Variants in STK3 observed in about 807,000 individuals in gnomAD.
The protein encoded by STK3 is serine/threonine-protein kinase 3.
In STK3, 41 loss-of-function variants were observed where a neutral mutation model predicts 58.0. That is an observed-to-expected ratio of 0.71 (90% confidence interval 0.55 to 0.92). STK3 has a LOEUF of 0.92. Ranked by LOEUF, STK3 falls within the 40% of genes least tolerant of loss-of-function variation. The pLI is 0.00. For synonymous variants in STK3, 170 were observed against 191.0 expected, an observed-to-expected ratio of 0.89 and a Z score of 0.91; for missense variants, 479 against 602.7, an observed-to-expected ratio of 0.79 and a Z score of 2.15.
At chr8:98,534,348 G>C (rs574647309) in intron 9 of STK3, among the ~76,000 whole-genome samples, 32 of 152,158 alleles carry the variant, frequency 2.1e-4, no homozygotes, top group African/African-American at 7.2e-4. Context: ...TAAACCTTTA[G>C]AACTTAGAAC....
intron 1 of STK3, among the ~76,000 whole-genome samples, chr8:98,441,945 G>A (rs1431473290): frequency 6.6e-6 from 1 of 152,056 alleles, no homozygotes; most frequent in Non-Finnish European, 1.5e-5. Context: ...CTGCCCCCAG[G>A]ATACCTGCTC....
intron 6 of STK3, among the ~76,000 whole-genome samples, chr8:98,692,757 A>G (rs1587313663): frequency 6.6e-6 from 1 of 152,036 alleles, no homozygotes; most frequent in East Asian, 1.9e-4. Context: ...CCTAATTATA[A>G]TCTTAAATTA....
intron 6 of STK3, among the ~76,000 whole-genome samples, chr8:98,607,726 T>C (rs1028007731): frequency 6.6e-6 from 1 of 152,204 alleles, no homozygotes; most frequent in African/African-American, 2.4e-5. Context: ...AGAGATAAAC[T>C]TTGATTATTC....
intron 3 of STK3, among the ~76,000 whole-genome samples, chr8:98,422,679 C>T (rs1449018132): frequency 1.3e-5 from 2 of 152,214 alleles, no homozygotes; most frequent in East Asian, 1.9e-4. Flanking sequence ...AGTGCTCCCA[C>T]CGCAGGCAGG....
upstream of STK3, among the ~76,000 whole-genome samples, chr8:98,827,456 A>G (rs1000074464): frequency 1.3e-5 from 2 of 152,220 alleles, no homozygotes; most frequent in Non-Finnish European, 2.9e-5. Context: ...AGAATGTTGA[A>G]TAATGTGAAT....
At chr8:98,630,959 C>T (rs1356041344) in intron 6 of STK3, among the ~76,000 whole-genome samples, 1 of 151,950 alleles carries the variant, frequency 6.6e-6, no homozygotes, top group Non-Finnish European at 1.5e-5. Context: ...ATATGTTTAA[C>T]ATCATTTCTT....
At position 98,597,359 on chromosome 8, in the gene STK3, T is replaced by G. The variant is rs550020878; in HGVS notation, c.685-1190A>C. 21 of 985,252 alleles carry G rather than the reference T, an allele frequency of 2.1e-5. No individual in the cohort carries two copies. The East Asian group carries it at 3.4e-4, about 16-fold the overall frequency. The allele number at this position is 985,252 out of a possible 1,614,324, so 61.0% of individuals were successfully genotyped here. ...CTTTTTACCAGTATATGCATCTTCT[T>G]TCAAAAAACGTAAATTCTTTAATAG... is the stretch of plus-strand genomic sequence containing the variant. On this transcript the variant is annotated intron_variant, in intron 6 of 10. Transcript: ENST00000419617.
At chr8:98,927,364 G>A (rs1839838504) in intron 1 of STK3, among the ~76,000 whole-genome samples, 1 of 152,174 alleles carries the variant, frequency 6.6e-6, no homozygotes, top group African/African-American at 2.4e-5. Context: ...CAGTGCAAAA[G>A]GGTGGGACTA....
chr8:98,899,311 T>C (rs987128999), intron 1 of STK3, among the ~76,000 whole-genome samples: 3 of 152,172 alleles, frequency 2.0e-5, no homozygotes, highest in African/African-American at 7.2e-5. Flanking sequence ...AAGTGCTTAA[T>C]ATTAATAGTA....
chr8:98,398,218 C>T (rs2131022036), downstream of STK3, among the ~76,000 whole-genome samples: 1 of 152,242 alleles, frequency 6.6e-6, no homozygotes, highest in Non-Finnish European at 1.5e-5. Context: ...TCTTTGTTTC[C>T]AGACCCGAGG....
At chr8:98,888,105 G>A (rs76466693) in intron 1 of STK3, among the ~76,000 whole-genome samples, 1 of 152,110 alleles carries the variant, frequency 6.6e-6, no homozygotes, top group African/African-American at 2.4e-5. Context: ...AATCACTTGA[G>A]GTCAGGAGAT....
At chr8:98,549,467 A>G (rs1051665510) in intron 8 of STK3, among the ~76,000 whole-genome samples, 7 of 152,138 alleles carry the variant, frequency 4.6e-5, no homozygotes, top group African/African-American at 1.7e-4. Context: ...TGTTGTTATT[A>G]CAAATTCTGG....
At chr8:98,497,692 G>C (rs1306997197) in intron 10 of STK3, among the ~76,000 whole-genome samples, 1 of 152,080 alleles carries the variant, frequency 6.6e-6, no homozygotes, top group African/African-American at 2.4e-5. Flanking sequence ...CACACAAAAA[G>C]ATGCTCAACA....
the STK3 span, among the ~76,000 whole-genome samples, chr8:98,346,145 C>T: frequency 2.6e-5 from 4 of 151,940 alleles, no homozygotes; most frequent in Non-Finnish European, 4.4e-5. Context: ...ATTAGCCAGG[C>T]ATGATCTTGG....
intron 1 of STK3, among the ~76,000 whole-genome samples, chr8:98,919,391 G>A (rs1161044898): frequency 6.6e-6 from 1 of 152,038 alleles, no homozygotes; most frequent in Non-Finnish European, 1.5e-5. Context: ...TTCAGAGATA[G>A]GACACAAATC....
intron 6 of STK3, among the ~76,000 whole-genome samples, chr8:98,631,844 T>A (rs905187766): frequency 6.6e-6 from 1 of 152,202 alleles, no homozygotes; most frequent in Non-Finnish European, 1.5e-5. Context: ...TTTGTATTTT[T>A]AATAGAAAAT....
chr8:98,353,416 G>GGGA, the STK3 span, among the ~76,000 whole-genome samples: 2 of 152,190 alleles, frequency 1.3e-5, no homozygotes, highest in Non-Finnish European at 2.9e-5. Context: ...ACTTAAGCCA[G>GGGA]GGATGTCGAG....
chr8:98,775,930 A>C (rs1047068177), intron 1 of STK3, among the ~76,000 whole-genome samples: 1 of 152,246 alleles, frequency 6.6e-6, no homozygotes, highest in African/African-American at 2.4e-5. Flanking sequence ...GGGAACTATG[A>C]ATATTCAACA....
At chr8:98,452,279 A>C (rs1222631320), downstream of STK3, among the ~76,000 whole-genome samples, 1 of 152,242 alleles carries the variant, frequency 6.6e-6, no homozygotes, top group Admixed American at 6.5e-5. Flanking sequence ...AACAGCGGTA[A>C]GTAATGTATT....
Sources: gnomAD v4.1 joint callset for allele counts (sites outside exome capture counted in the v4.1 genomes callset) on GRCh38, gnomAD v4.1.1 for gene constraint, MANE v1.5 for transcripts, NCBI Gene and HGNC (gene_info 2026-07-23, HGNC 2026-07-21) for gene names.